Variants in RBMS3 observed in about 807,000 individuals in gnomAD.
RBMS3 encodes the protein RNA binding motif single stranded interacting protein 3.
Under a neutral mutation model 66.8 loss-of-function variants are expected in RBMS3, and 27 were observed. That is an observed-to-expected ratio of 0.40 (90% CI 0.30 to 0.56). The LOEUF is 0.56. Ranked by LOEUF, RBMS3 falls within the 20% of genes least tolerant of loss-of-function variation. The probability of loss-of-function intolerance (pLI) is 0.40; values close to 1 mark genes in which losing one functional copy is unlikely to be tolerated. For missense variants in RBMS3, 513 were observed against 549.5 expected, an observed-to-expected ratio of 0.93 and a Z score of 0.66; for synonymous variants, 188 against 183.0, an observed-to-expected ratio of 1.03 and a Z score of -0.22.
In RBMS3 at chr3:29,496,254, T is replaced by G. The variant is rs570734715; in HGVS notation, c.307+7755T>G. Among the ~76,000 whole-genome samples the G allele has an allele frequency of 1.7e-3, 251 of 151,700 alleles. 1 individual carries two copies. The highest frequency in any genetic ancestry group is 5.8e-3 in the African/African-American group (242 of 41,402). The stretch of plus-strand genomic sequence containing the variant: ...CAAAAAAAAGTTATATTTTAAATTA[T>G]ATTTCTCTTTGGAATATGAAGTGTG... On this transcript the variant is annotated intron_variant, in intron 3 of 14. Coordinates refer to ENST00000383767, the MANE Select transcript of RBMS3 (RefSeq NM_001003793.3).
chr3:29,687,275 G>A (rs1472758636), intron 4 of RBMS3, among the ~76,000 whole-genome samples: 2 of 152,156 alleles, frequency 1.3e-5, no homozygotes, highest in Non-Finnish European at 2.9e-5. Flanking sequence ...CCAGGTTTCT[G>A]TTTAATCCAA....
chr3:29,755,877 A>G (rs1046904341), intron 5 of RBMS3, among the ~76,000 whole-genome samples: 1 of 152,212 alleles, frequency 6.6e-6, no homozygotes, highest in African/African-American at 2.4e-5. Context: ...TGGGGCATAG[A>G]GCAGGACAGA....
intron 12 of RBMS3, among the ~76,000 whole-genome samples, chr3:29,958,106 T>C (rs1696167469): frequency 6.6e-6 from 1 of 152,184 alleles, no homozygotes; most frequent in African/African-American, 2.4e-5. Context: ...TTTCCTTAGA[T>C]GTGATTTTCA....
At chr3:29,842,813 G>A (rs1202535970) in intron 6 of RBMS3, among the ~76,000 whole-genome samples, 1 of 152,204 alleles carries the variant, frequency 6.6e-6, no homozygotes, top group African/African-American at 2.4e-5. Flanking sequence ...TTATAGTGAT[G>A]TGAGGAAGGG....
chr3:29,472,712 T>A (rs1250074597), intron 2 of RBMS3, among the ~76,000 whole-genome samples: 1 of 150,816 alleles, frequency 6.6e-6, no homozygotes, highest in African/African-American at 2.4e-5. Context: ...GGGTTCGTGG[T>A]CTCGCTGGCT....
intron 1 of RBMS3, among the ~76,000 whole-genome samples, chr3:29,347,732 G>A (rs1022426630): frequency 1.3e-5 from 2 of 152,096 alleles, no homozygotes; most frequent in African/African-American, 4.8e-5. Context: ...TATAGGGTGG[G>A]GACAGAATTA....
intron 1 of RBMS3, among the ~76,000 whole-genome samples, chr3:29,378,868 A>T (rs949487514): frequency 6.6e-6 from 1 of 152,202 alleles, no homozygotes; most frequent in Non-Finnish European, 1.5e-5. Context: ...ACCAAAATGC[A>T]TTCATATGGG....
At chr3:29,366,032 T>C (rs925691602) in intron 1 of RBMS3, among the ~76,000 whole-genome samples, 5 of 152,186 alleles carry the variant, frequency 3.3e-5, no homozygotes, top group African/African-American at 1.2e-4. Context: ...AGTATAATTT[T>C]AGCAGAGAGG....
intron 1 of RBMS3, among the ~76,000 whole-genome samples, chr3:29,368,534 AC>A (rs1342810546): frequency 6.6e-6 from 1 of 151,818 alleles, no homozygotes; most frequent in East Asian, 1.9e-4. Flanking sequence ...TCACATCACT[AC>A]TGAAAAATGA....
chr3:29,638,583 T>C (rs1412863807), intron 4 of RBMS3, among the ~76,000 whole-genome samples: 1 of 151,852 alleles, frequency 6.6e-6, no homozygotes, highest in Non-Finnish European at 1.5e-5. Context: ...TGTATCATGG[T>C]CACTATTTGC....
intron 1 of RBMS3, among the ~76,000 whole-genome samples, chr3:29,362,193 TC>T (rs2037636782): frequency 6.6e-6 from 1 of 152,204 alleles, no homozygotes. Context: ...CTACCTTTGG[TC>T]TTTGATGATG....
chr3:29,317,625 T>C (rs930548809), intron 1 of RBMS3, among the ~76,000 whole-genome samples: 1 of 151,646 alleles, frequency 6.6e-6, no homozygotes, highest in Non-Finnish European at 1.5e-5. Context: ...CTGTAAATAA[T>C]TAATTAATTT....
At chr3:29,517,582 C>T (rs1225199686) in intron 3 of RBMS3, among the ~76,000 whole-genome samples, 1 of 151,996 alleles carries the variant, frequency 6.6e-6, no homozygotes, top group Non-Finnish European at 1.5e-5. Context: ...CTCGGCCTCC[C>T]GAAGTGCTGG....
intron 6 of RBMS3, among the ~76,000 whole-genome samples, chr3:29,803,394 A>G (rs143279147): frequency 6.6e-6 from 1 of 152,250 alleles, no homozygotes; most frequent in African/African-American, 2.4e-5. Flanking sequence ...CATTATCTAA[A>G]TGGCAAAATA....
At chr3:29,336,989 G>GT (rs1365824064) in intron 1 of RBMS3, among the ~76,000 whole-genome samples, 1 of 152,018 alleles carries the variant, frequency 6.6e-6, no homozygotes, top group African/African-American at 2.4e-5. Context: ...ATCTGAAACG[G>GT]TTTTTTAAAA....
At chr3:29,957,655 C>T (rs1696130099) in intron 12 of RBMS3, among the ~76,000 whole-genome samples, 1 of 152,078 alleles carries the variant, frequency 6.6e-6, no homozygotes, top group African/African-American at 2.4e-5. Flanking sequence ...TATGAATGCC[C>T]TTCAGCAATG....
rs2047086216 is a variant in RBMS3, at chr3:29,575,414, A to G, written c.308-11700A>G. On this transcript the variant is annotated intron_variant, in intron 3 of 14. Coordinates refer to ENST00000383767, the MANE Select transcript of RBMS3 (RefSeq NM_001003793.3). The stretch of plus-strand genomic sequence containing the variant: ...TATGTTGTCTTTTTTTCCTCTTACT[A>G]CTTTTAGGATCCTTTCTTTATCCTT... Among the ~76,000 whole-genome samples the G allele has an allele frequency of 4.6e-5, 7 of 150,636 alleles. No individual in the cohort carries two copies. In the South Asian group the frequency reaches 1.5e-3, roughly 32 times the overall value.
intron 4 of RBMS3, among the ~76,000 whole-genome samples, chr3:29,699,073 C>T (rs530686274): frequency 6.6e-6 from 1 of 152,232 alleles, no homozygotes; most frequent in African/African-American, 2.4e-5. Context: ...TTATGAAATA[C>T]TATCCTAGTG....
intron 1 of RBMS3, among the ~76,000 whole-genome samples, chr3:29,344,478 T>C (rs1243272920): frequency 6.6e-6 from 1 of 152,206 alleles, no homozygotes; most frequent in African/African-American, 2.4e-5. Context: ...TTTTGAATCT[T>C]CTTTTGGGAA....
Sources: allele counts gnomAD v4.1 joint callset (sites outside exome capture counted in the v4.1 genomes callset), GRCh38; gene constraint gnomAD v4.1.1; transcripts MANE v1.5; gene names NCBI Gene and HGNC (gene_info 2026-07-23, HGNC 2026-07-21).